Variants in LSAMP observed in about 807,000 individuals in gnomAD.
LSAMP encodes limbic system-associated membrane protein.
Under a neutral mutation model 38.6 loss-of-function variants are expected in LSAMP, and 7 were observed. The ratio of observed to expected loss-of-function variants is 0.18; its 90% CI spans 0.10 to 0.34. The LOEUF (loss-of-function observed/expected upper bound fraction) is 0.34, where lower values mean the gene tolerates loss of function less well. Ranked by LOEUF, LSAMP falls within the 10% of genes least tolerant of loss-of-function variation. The pLI is 1.00. For missense variants in LSAMP, 313 were observed against 420.0 expected (o/e 0.75, Z 2.23); for synonymous variants, 154 against 166.8 (o/e 0.92, Z 0.59).
At chr3:115,860,174 TG>T (rs1329545262) in intron 3 of LSAMP, among the ~76,000 whole-genome samples, 1 of 152,252 alleles carries the variant, frequency 6.6e-6, no homozygotes, top group Non-Finnish European at 1.5e-5. Flanking sequence ...TGCTAGGCAC[TG>T]TGCTAAGTGA....
intron 2 of LSAMP, among the ~76,000 whole-genome samples, chr3:116,070,279 A>G (rs1263642103): frequency 6.6e-6 from 1 of 152,204 alleles, no homozygotes; most frequent in Non-Finnish European, 1.5e-5. Context: ...AGACTTACTG[A>G]AAGCTTACTC....
Position 115,908,099 on chromosome 3 carries a change from A to G in LSAMP, c.515-55482T>C, listed in dbSNP as rs1937054487. Among the ~76,000 whole-genome samples the G allele has an allele frequency of 1.3e-5, 2 of 151,878 alleles. 1 individual carries two copies. The highest frequency in any genetic ancestry group is 4.2e-4 in the South Asian group (2 of 4,818). On this transcript the variant is annotated intron_variant, in intron 3 of 6. Transcript: ENST00000490035. ...GAAGATAAGAAAGATATATATATAT[A>G]TCTTATAATATGTGTCACTTTGGGA...
Position 116,387,891 on chromosome 3 carries a change from A to C in LSAMP, c.155+56986T>G, listed in dbSNP as rs149476615. 4.5e-3 allele frequency among the ~76,000 whole-genome samples: 679 copies of C among 152,006 alleles called. 7 individuals carry two copies. Among genetic ancestry groups the C allele is most frequent in the African/African-American group, 0.016 (646 of 41,410 alleles). On this transcript the variant is annotated intron_variant, in intron 1 of 6. Transcript: ENST00000490035. ...GGTGGATCACAAGGTCAGGAGATGG[A>C]GACCATCCTGGCTAACACGGTGAAA...
chr3:116,118,918 A>G (rs550553415), intron 1 of LSAMP, among the ~76,000 whole-genome samples: 1 of 152,328 alleles, frequency 6.6e-6, no homozygotes, highest in East Asian at 1.9e-4. Flanking sequence ...TGCTTTTCAA[A>G]TTTTGTATGT....
At chr3:115,908,588 G>A (rs1937066115) in intron 3 of LSAMP, among the ~76,000 whole-genome samples, 2 of 152,134 alleles carry the variant, frequency 1.3e-5, no homozygotes, top group Non-Finnish European at 2.9e-5. Context: ...TGATGTTACA[G>A]ATATGCAGCC....
At chr3:116,336,674 C>T (rs940740515) in intron 1 of LSAMP, among the ~76,000 whole-genome samples, 1 of 151,698 alleles carries the variant, frequency 6.6e-6, no homozygotes, top group African/African-American at 2.4e-5. Flanking sequence ...AAATTGGAAC[C>T]CTTGGGTACT....
At chr3:116,027,130 G>C (rs1018928551) in intron 2 of LSAMP, among the ~76,000 whole-genome samples, 1 of 152,046 alleles carries the variant, frequency 6.6e-6, no homozygotes, top group Non-Finnish European at 1.5e-5. Context: ...AAATTTAACT[G>C]GGCATCCTTT....
At chr3:116,162,553 C>T (rs907552881) in intron 1 of LSAMP, among the ~76,000 whole-genome samples, 1 of 152,032 alleles carries the variant, frequency 6.6e-6, no homozygotes, top group African/African-American at 2.4e-5. Context: ...TTTATAAACA[C>T]AACTTTGTTT....
chr3:116,048,802 T>C (rs796980980), intron 2 of LSAMP, among the ~76,000 whole-genome samples: 5 of 152,280 alleles, frequency 3.3e-5, no homozygotes, highest in African/African-American at 9.6e-5. Context: ...GCTAGAGGTG[T>C]AGACCAGAAT....
At chr3:116,315,143 G>A (rs1036556968) in intron 1 of LSAMP, among the ~76,000 whole-genome samples, 1 of 152,038 alleles carries the variant, frequency 6.6e-6, no homozygotes, top group Non-Finnish European at 1.5e-5. Context: ...CCAGGCTTTT[G>A]CTTATTCTAT....
At chr3:115,922,876 A>T (rs949892331) in intron 3 of LSAMP, among the ~76,000 whole-genome samples, 4 of 152,136 alleles carry the variant, frequency 2.6e-5, no homozygotes, top group Admixed American at 2.6e-4. Flanking sequence ...TGTTGGTGGC[A>T]CTGCAAGTTC....
intron 1 of LSAMP, among the ~76,000 whole-genome samples, chr3:116,217,236 C>T (rs1444661392): frequency 6.6e-6 from 1 of 152,098 alleles, no homozygotes; most frequent in Non-Finnish European, 1.5e-5. Context: ...GGATTTATGG[C>T]GTTTTCATCA....
At chr3:116,314,270 C>T (rs1464571666) in intron 1 of LSAMP, among the ~76,000 whole-genome samples, 1 of 152,116 alleles carries the variant, frequency 6.6e-6, no homozygotes, top group African/African-American at 2.4e-5. Context: ...CATCAGATCG[C>T]TAATTTGCGA....
chr3:116,104,303 C>T lies in LSAMP; in HGVS notation c.156-17747G>A, dbSNP rs1036627794. 1.0e-3 allele frequency among the ~76,000 whole-genome samples: 152 copies of T among 152,068 alleles called. 2 individuals carry two copies. The highest frequency in any genetic ancestry group is 2.2e-3 in the Admixed American group (33 of 15,268). On this transcript the variant is annotated intron_variant, in intron 1 of 6. Coordinates refer to ENST00000490035, the MANE Select transcript of LSAMP (RefSeq NM_002338.5). ...TGCGAAACAGTGTAGCCTGTTAGCC[C>T]CAAGCAAGGAATAAGTGAAGAACAC...
intron 1 of LSAMP, among the ~76,000 whole-genome samples, chr3:116,334,710 A>G (rs2047896471): frequency 6.6e-6 from 1 of 152,126 alleles, no homozygotes; most frequent in Non-Finnish European, 1.5e-5. Context: ...TTTTATGGAA[A>G]AAAAGAAACA....
intron 2 of LSAMP, among the ~76,000 whole-genome samples, chr3:116,059,821 A>T (rs144795303): frequency 1.6e-3 from 237 of 152,336 alleles, no homozygotes; most frequent in African/African-American, 5.4e-3. Flanking sequence ...TTGCCCTAGC[A>T]TGTGAGTGCT....
chr3:115,865,282 C>G (rs1935825021), intron 3 of LSAMP, among the ~76,000 whole-genome samples: 1 of 152,120 alleles, frequency 6.6e-6, no homozygotes, highest in Non-Finnish European at 1.5e-5. Flanking sequence ...GGACGTTTCT[C>G]TAAAGACTAT....
intron 3 of LSAMP, among the ~76,000 whole-genome samples, chr3:115,872,880 A>T (rs1936081988): frequency 6.6e-6 from 1 of 152,286 alleles, no homozygotes; most frequent in Non-Finnish European, 1.5e-5. Context: ...ATTTATTATG[A>T]ACTAGGCATG....
chr3:115,940,299 T>C (rs1937869418), intron 3 of LSAMP, among the ~76,000 whole-genome samples: 1 of 18,570 alleles, frequency 5.4e-5, no homozygotes, highest in South Asian at 2.2e-3. Flanking sequence ...TTCCCTTATT[T>C]GGCCCCGCCC....
Sources: allele counts gnomAD v4.1 joint callset (sites outside exome capture counted in the v4.1 genomes callset), GRCh38; gene constraint gnomAD v4.1.1; transcripts MANE v1.5; gene names NCBI Gene and HGNC (gene_info 2026-07-23, HGNC 2026-07-21).